The following TLL1 variants were observed in gnomAD, a reference collection of about 807,000 sequenced individuals.
TLL1 encodes tolloid-like protein 1.
TLL1 carries 49 observed loss-of-function variants against 128.2 expected under a neutral mutation model. That is an observed-to-expected ratio of 0.38 (90% CI 0.30 to 0.48). TLL1 has a LOEUF of 0.48. Among genes scored for constraint, TLL1 ranks in the 20% least tolerant of loss-of-function variants. The pLI is 0.96. For missense variants in TLL1, 1,123 were observed against 1,242.0 expected (o/e 0.90, Z 1.44); for synonymous variants, 454 against 418.8 (o/e 1.08, Z -1.03).
rs530224126 is a variant in TLL1 at position 166,003,384 on chromosome 4, A to G, written c.633-7A>G. 7.4e-6 allele frequency: 12 copies of G among 1,613,866 alleles called. No homozygotes were observed. Among genetic ancestry groups the G allele is most frequent in the Non-Finnish European group, 1.0e-5 (12 of 1,179,860 alleles). The stretch of plus-strand genomic sequence containing the variant: ...CACCACCATCTCCACTTTCTCTTTT[A>G]TTCCAGATGCTGCTCCTATGTAGGT... On this transcript the variant is annotated splice_region_variant and splice_polypyrimidine_tract_variant and intron_variant, in intron 5 of 20. Transcript: ENST00000061240.
intron 1 of TLL1, among the ~76,000 whole-genome samples, chr4:165,967,289 G>A (rs1735433467): frequency 6.6e-6 from 1 of 152,074 alleles, no homozygotes; most frequent in Admixed American, 6.5e-5. Flanking sequence ...CAAACAATTT[G>A]TGCAGATAAC....
chr4:166,095,304 T>C lies in TLL1; in HGVS notation c.2656+3963T>C, dbSNP rs376174708. ...AATGGACTTAATTGGAAAGAGTTCT[T>C]TTTTCCTCTGATAGTTTGCTCAAAT... On this transcript the variant is annotated intron_variant, in intron 19 of 20. Transcript: ENST00000061240. Among the ~76,000 whole-genome samples the C allele has an allele frequency of 3.4e-4, 52 of 152,198 alleles. 1 individual carries two copies. Among genetic ancestry groups the C allele is most frequent in the African/African-American group, 1.1e-3 (44 of 41,566 alleles).
chr4:165,936,093 A>G (rs1265208992), intron 1 of TLL1, among the ~76,000 whole-genome samples: 3 of 151,438 alleles, frequency 2.0e-5, no homozygotes, highest in Non-Finnish European at 4.4e-5. Context: ...GAGTTGAAAA[A>G]TGATGATACT....
chr4:166,093,227 G>C (rs1034584477), intron 19 of TLL1, among the ~76,000 whole-genome samples: 1 of 152,114 alleles, frequency 6.6e-6, no homozygotes, highest in African/African-American at 2.4e-5. Context: ...TGGTCTCTGA[G>C]TTCTCTCAGT....
At chr4:165,874,261 A>T (rs955096958) in intron 1 of TLL1, among the ~76,000 whole-genome samples, 188 bp downstream of exon 1, 4 of 150,192 alleles carry the variant, frequency 2.7e-5, no homozygotes, top group African/African-American at 9.9e-5. Context: ...GCCCCAGTTG[A>T]CTAGAGTTCT....
At chr4:166,071,353 T>C (rs1388015885) in intron 16 of TLL1, among the ~76,000 whole-genome samples, 1 of 151,900 alleles carries the variant, frequency 6.6e-6, no homozygotes, top group Non-Finnish European at 1.5e-5. Context: ...TCTTCCTTTT[T>C]CCTAATGATG....
rs541105454 is a variant in TLL1, at chr4:166,054,879, C to T, written c.1525-197C>T. On this transcript the variant is annotated intron_variant, in intron 12 of 20. Coordinates refer to ENST00000061240, the MANE Select transcript of TLL1 (RefSeq NM_012464.5). ...TGTTTCATAGTTATTTTTTATCCTTCCCTGTCTACCAGAATAACATCCTTT... is the reference window on the plus strand; with the variant it reads ...TGTTTCATAGTTATTTTTTATCCTTTCCTGTCTACCAGAATAACATCCTTT... Among the ~76,000 whole-genome samples the T allele has an allele frequency of 1.5e-4, 23 of 152,024 alleles. No individual in the cohort carries two copies. The South Asian group carries it at 4.8e-3, about 32-fold the overall frequency.
intron 1 of TLL1, among the ~76,000 whole-genome samples, chr4:165,898,222 T>A (rs887411399): frequency 3.3e-5 from 5 of 152,230 alleles, no homozygotes; most frequent in Admixed American, 3.3e-4. Flanking sequence ...ATGCTTTATT[T>A]CTTTCTCTTG....
At chr4:165,995,486 C>T (rs2111020145) in intron 5 of TLL1, among the ~76,000 whole-genome samples, 1 of 152,290 alleles carries the variant, frequency 6.6e-6, no homozygotes, top group Admixed American at 6.5e-5. Flanking sequence ...TGTGTTGTCT[C>T]TAAAATAGTG....
intron 19 of TLL1, among the ~76,000 whole-genome samples, chr4:166,097,292 T>C (rs549598471): frequency 3.7e-4 from 56 of 152,222 alleles, no homozygotes; most frequent in Non-Finnish European, 6.6e-4. Flanking sequence ...GGCTTCCAGT[T>C]TGTGGGACTT....
intron 1 of TLL1, among the ~76,000 whole-genome samples, chr4:165,971,860 A>G (rs1735642805): frequency 6.6e-6 from 1 of 152,216 alleles, no homozygotes; most frequent in South Asian, 2.1e-4. Context: ...GATGGAATTC[A>G]GCAGGACTTT....
intron 1 of TLL1, among the ~76,000 whole-genome samples, chr4:165,963,496 A>T (rs1433624507): frequency 1.3e-5 from 2 of 151,998 alleles, no homozygotes; most frequent in East Asian, 1.9e-4. Context: ...TTCTCTCTTT[A>T]TCAGGTAAGT....
chr4:166,035,015 G>A (rs1738933614), intron 9 of TLL1, among the ~76,000 whole-genome samples: 1 of 152,132 alleles, frequency 6.6e-6, no homozygotes, highest in Admixed American at 6.6e-5. Context: ...ATTTCTAAGG[G>A]CAGAGCCCTC....
At chr4:165,902,015 C>T (rs983665340) in intron 1 of TLL1, among the ~76,000 whole-genome samples, 22 of 152,110 alleles carry the variant, frequency 1.4e-4, no homozygotes, top group African/African-American at 4.3e-4. Flanking sequence ...CTGCCGAGTT[C>T]GAACTTCTGG....
At chr4:166,100,431 T>A (rs1742235431) in intron 20 of TLL1, among the ~76,000 whole-genome samples, 1 of 152,100 alleles carries the variant, frequency 6.6e-6, no homozygotes, top group South Asian at 2.1e-4. Context: ...CAAGAGAACT[T>A]GGCTTAAAAG....
chr4:166,071,918 C>G (rs759394396), intron 16 of TLL1, among the ~76,000 whole-genome samples: 2 of 151,966 alleles, frequency 1.3e-5, no homozygotes, highest in African/African-American at 2.4e-5. Flanking sequence ...ATATTTACTA[C>G]TCCGCAGACA....
chr4:165,993,330 T>C (rs1227954229), intron 3 of TLL1, among the ~76,000 whole-genome samples: 1 of 152,008 alleles, frequency 6.6e-6, no homozygotes, highest in Non-Finnish European at 1.5e-5. Flanking sequence ...AAAATAGTTA[T>C]AAATATATAT....
At chr4:166,098,710 A>G (rs535809248) in intron 19 of TLL1, among the ~76,000 whole-genome samples, 58 of 152,236 alleles carry the variant, frequency 3.8e-4, no homozygotes, top group African/African-American at 1.3e-3. Context: ...TATATTCTAT[A>G]TAGAAAGTTC....
At chr4:165,958,290 A>T (rs1260212609) in intron 1 of TLL1, among the ~76,000 whole-genome samples, 2 of 137,478 alleles carry the variant, frequency 1.5e-5, no homozygotes, top group African/African-American at 2.9e-5. Flanking sequence ...CGCCACACTG[A>T]CTTCCACAAT....
Sources: gnomAD v4.1 joint callset for allele counts (sites outside exome capture counted in the v4.1 genomes callset) on GRCh38, gnomAD v4.1.1 for gene constraint, MANE v1.5 for transcripts, NCBI Gene and HGNC (gene_info 2026-07-23, HGNC 2026-07-21) for gene names.